GRIA4: variants seen among roughly 807,000 people sequenced by gnomAD.
GRIA4 encodes the protein glutamate ionotropic receptor AMPA type subunit 4, also known as glutamate receptor 4.
Under a neutral mutation model 104.0 loss-of-function variants are expected in GRIA4, and 34 were observed. The ratio of observed to expected loss-of-function variants is 0.33; its 90% confidence interval spans 0.25 to 0.44. The LOEUF (loss-of-function observed/expected upper bound fraction) is 0.44. GRIA4 is among the 20% of genes least tolerant of loss of function. GRIA4 has a pLI of 1.00. For missense variants in GRIA4, 750 were observed against 1,096.5 expected (o/e 0.68, Z 4.46); for synonymous variants, 386 against 381.9 (o/e 1.01, Z -0.13).
At chr11:105,722,926 C>T (rs1202992339) in intron 3 of GRIA4, among the ~76,000 whole-genome samples, 1 of 152,048 alleles carries the variant, frequency 6.6e-6, no homozygotes, top group Non-Finnish European at 1.5e-5. Flanking sequence ...TTTGTGACGT[C>T]TGTAAGTTGA....
chr11:105,946,611 A>T (rs1002892840), intron 14 of GRIA4, among the ~76,000 whole-genome samples: 1 of 152,148 alleles, frequency 6.6e-6, no homozygotes, highest in African/African-American at 2.4e-5. Context: ...AAGCTAAATT[A>T]AAAAATAAAT....
intron 1 of GRIA4, 26 bp from the exon 2 acceptor site, chr11:105,610,865 CTTTTCTTTTTTTTTTTT>C: frequency 5.9e-6 from 3 of 505,882 alleles, no homozygotes; most frequent in Non-Finnish European, 1.0e-5. Flanking sequence ...TCTTTTCTTT[CTTTTCTTTTTTTTTTTT>C]TTTTTTTGGT....
At chr11:105,914,188 T>C in intron 10 of GRIA4, among the ~76,000 whole-genome samples, 1 of 151,864 alleles carries the variant, frequency 6.6e-6, no homozygotes, top group East Asian at 1.9e-4. Flanking sequence ...TAAATAATTT[T>C]GGCTAAATTT....
chr11:105,979,689 GCAAT>G lies in GRIA4; in HGVS notation c.2662_2665del (p.Ile888AspfsTer21), dbSNP rs1859178559. ...CCCAAAGGCTGTACACACTGGAACT[GCAAT>G]CAGACAAAGTTCAGGATTGGCTGTC... On this transcript the variant is annotated frameshift_variant, in exon 17 of 17. Transcript: ENST00000282499. LOFTEE classifies it high-confidence loss of function. 1 of 1,613,820 alleles carries G rather than the reference GCAAT, an allele frequency of 6.2e-7. No individual in the cohort carries two copies. The highest frequency in any genetic ancestry group is 2.2e-5 in the East Asian group (1 of 44,894).
At chr11:105,860,543 T>C (rs947021824) in intron 4 of GRIA4, among the ~76,000 whole-genome samples, 4 of 152,220 alleles carry the variant, frequency 2.6e-5, no homozygotes, top group East Asian at 1.9e-4. Flanking sequence ...ATTCTGTTTA[T>C]GCTAAACCAT....
intron 3 of GRIA4, among the ~76,000 whole-genome samples, chr11:105,721,888 T>G (rs535029699): frequency 6.6e-6 from 1 of 152,110 alleles, no homozygotes; most frequent in African/African-American, 2.4e-5. Context: ...GGCATTATCT[T>G]CCTGCACTCA....
chr11:105,822,695 C>A (rs796083416), intron 4 of GRIA4, among the ~76,000 whole-genome samples: 3 of 151,908 alleles, frequency 2.0e-5, no homozygotes, highest in African/African-American at 7.3e-5. Flanking sequence ...TTTAATTATC[C>A]TTGTGGTATG....
At chr11:105,868,748 A>C (rs780244114) in intron 5 of GRIA4, among the ~76,000 whole-genome samples, 1 of 152,156 alleles carries the variant, frequency 6.6e-6, no homozygotes, top group Non-Finnish European at 1.5e-5. Flanking sequence ...AGGCACTCAC[A>C]GAAATTACTA....
At chr11:105,787,864 T>A (rs1383860469) in intron 4 of GRIA4, among the ~76,000 whole-genome samples, 1 of 152,166 alleles carries the variant, frequency 6.6e-6, no homozygotes, top group Non-Finnish European at 1.5e-5. Context: ...TTCCTTTAGT[T>A]TTTGGGTTGT....
chr11:105,708,749 G>C (rs907229802), intron 3 of GRIA4, among the ~76,000 whole-genome samples: 11 of 151,852 alleles, frequency 7.2e-5, no homozygotes, highest in African/African-American at 2.4e-4. Flanking sequence ...GGAGAGAGAA[G>C]TTGCAAATAA....
rs562004864 is a variant in GRIA4, at chr11:105,956,640, G to A, written c.2295-15274G>A. ...ATATATGCAGTAACAGGATGGCTGG[G>A]CCAAATGGTATTTCTAGCTCTAGAT... is the stretch of plus-strand genomic sequence containing the variant. On this transcript the variant is annotated intron_variant, in intron 14 of 16. Coordinates refer to ENST00000282499, the MANE Select transcript of GRIA4 (RefSeq NM_000829.4). Among the ~76,000 whole-genome samples the A allele has an allele frequency of 2.3e-3, 343 of 152,240 alleles. 2 individuals carry two copies. Among genetic ancestry groups the A allele is most frequent in the African/African-American group, 8.0e-3 (334 of 41,534 alleles).
At chr11:105,694,676 C>G (rs1953206777) in intron 3 of GRIA4, among the ~76,000 whole-genome samples, 1 of 151,994 alleles carries the variant, frequency 6.6e-6, no homozygotes, top group Non-Finnish European at 1.5e-5. Flanking sequence ...CTAAAGTTTA[C>G]TCTTGAAAAA....
chr11:105,655,795 G>A lies in GRIA4; in HGVS notation c.247+43361G>A, dbSNP rs938435070. ...GTGAATAGTGCTGCAATAAACATAC[G>A]TGTGCATGTGTCCTTATAGGAGAAT... is the stretch of plus-strand genomic sequence containing the variant. On this transcript the variant is annotated intron_variant, in intron 3 of 16. Transcript: ENST00000282499. Among the ~76,000 whole-genome samples, 24 of 152,052 alleles carry A rather than the reference G, an allele frequency of 1.6e-4. 1 individual carries two copies. Among genetic ancestry groups the A allele is most frequent in the African/African-American group, 5.6e-4 (23 of 41,394 alleles).
intron 4 of GRIA4, among the ~76,000 whole-genome samples, chr11:105,831,903 T>A (rs1943990254): frequency 6.6e-6 from 1 of 152,018 alleles, no homozygotes; most frequent in South Asian, 2.1e-4. Flanking sequence ...GCTCTGTACT[T>A]TCTAAATGGG....
At chr11:105,661,786 C>G (rs909984407) in intron 3 of GRIA4, among the ~76,000 whole-genome samples, 11 of 151,620 alleles carry the variant, frequency 7.3e-5, no homozygotes, top group African/African-American at 2.7e-4. Flanking sequence ...ATTTTTTGAG[C>G]CCACTTGTCC....
chr11:105,793,771 T>C (rs986481584), intron 4 of GRIA4, among the ~76,000 whole-genome samples: 4 of 152,132 alleles, frequency 2.6e-5, no homozygotes, highest in African/African-American at 4.8e-5. Context: ...AGAATGTCAC[T>C]CTTGCCAACT....
At chr11:105,814,462 G>A (rs564535676) in intron 4 of GRIA4, among the ~76,000 whole-genome samples, 5 of 152,288 alleles carry the variant, frequency 3.3e-5, no homozygotes, top group African/African-American at 1.2e-4. Context: ...CTACTAAGTA[G>A]GATAAGTTAT....
chr11:105,717,403 C>T (rs889925996), intron 3 of GRIA4, among the ~76,000 whole-genome samples: 3 of 152,224 alleles, frequency 2.0e-5, no homozygotes, highest in Middle Eastern at 3.4e-3. Flanking sequence ...CTTAATTATA[C>T]GCCCTTAGAC....
intron 3 of GRIA4, among the ~76,000 whole-genome samples, chr11:105,697,685 G>T (rs11226828): frequency 6.6e-6 from 1 of 151,880 alleles, no homozygotes; most frequent in Non-Finnish European, 1.5e-5. Flanking sequence ...GATTTATTTC[G>T]TTCCACTGTG....
Sources: gnomAD v4.1 joint callset for allele counts (sites outside exome capture counted in the v4.1 genomes callset) on GRCh38, gnomAD v4.1.1 for gene constraint, MANE v1.5 for transcripts, NCBI Gene and HGNC (gene_info 2026-07-23, HGNC 2026-07-21) for gene names.